Variants in RBFOX1 observed in about 807,000 individuals in gnomAD.
RBFOX1 encodes RNA binding fox-1 homolog 1.
Under a neutral mutation model 57.7 loss-of-function variants are expected in RBFOX1, and 8 were observed. That is an observed-to-expected ratio of 0.14 (90% CI 0.08 to 0.25). RBFOX1 has a LOEUF of 0.25. Among genes scored for constraint, RBFOX1 ranks in the 10% least tolerant of loss-of-function variants. The pLI is 1.00. For missense variants in RBFOX1, 611 were observed against 548.5 expected (o/e 1.11, Z -1.14); for synonymous variants, 326 against 222.4 (o/e 1.47, Z -4.15).
At chr16:5,334,025 G>T (rs1002819898) in intron 1 of RBFOX1, among the ~76,000 whole-genome samples, 18 of 152,160 alleles carry the variant, frequency 1.2e-4, no homozygotes, top group African/African-American at 4.3e-4. Context: ...TTATTTTGGT[G>T]AATAAACCTG....
At chr16:7,012,121 G>A (rs2093681440) in intron 3 of RBFOX1, among the ~76,000 whole-genome samples, 1 of 152,120 alleles carries the variant, frequency 6.6e-6, no homozygotes, top group Non-Finnish European at 1.5e-5. Flanking sequence ...AATCCATCCA[G>A]CAAAGATCTA....
chr16:7,326,003 CA>C (rs2096606663), intron 4 of RBFOX1, among the ~76,000 whole-genome samples: 1 of 152,152 alleles, frequency 6.6e-6, no homozygotes, highest in Non-Finnish European at 1.5e-5. Flanking sequence ...GATGACTCAG[CA>C]GGTATTACAG....
intron 14 of RBFOX1, among the ~76,000 whole-genome samples, chr16:7,697,598 T>C (rs962285482): frequency 2.6e-5 from 4 of 152,158 alleles, no homozygotes; most frequent in Non-Finnish European, 5.9e-5. Flanking sequence ...TTCAACGAGG[T>C]GTTATCCCCA....
chr16:7,225,129 C>T (rs564680681), intron 4 of RBFOX1, among the ~76,000 whole-genome samples: 10 of 152,254 alleles, frequency 6.6e-5, no homozygotes, highest in South Asian at 2.1e-4. Context: ...ATCATCATCA[C>T]GGTCATTGTC....
At chr16:6,579,631 G>C (rs368315513) in intron 2 of RBFOX1, among the ~76,000 whole-genome samples, 1 of 152,176 alleles carries the variant, frequency 6.6e-6, no homozygotes, top group Non-Finnish European at 1.5e-5. Flanking sequence ...GATTAGAAGT[G>C]TTCTGAGGCT....
chr16:6,563,902 A>G (rs78966451), intron 2 of RBFOX1, among the ~76,000 whole-genome samples: 1 of 151,570 alleles, frequency 6.6e-6, no homozygotes, highest in Non-Finnish European at 1.5e-5. Context: ...ATATGTGCGT[A>G]TATGTGTGTG....
chr16:6,546,311 C>G (rs900593128), intron 2 of RBFOX1, among the ~76,000 whole-genome samples: 2 of 152,146 alleles, frequency 1.3e-5, no homozygotes, highest in Admixed American at 6.5e-5. Flanking sequence ...CTAATCTGCA[C>G]AAAGACCTTG....
chr16:5,378,152 T>C (rs2066036169), intron 1 of RBFOX1, among the ~76,000 whole-genome samples: 1 of 151,608 alleles, frequency 6.6e-6, no homozygotes, highest in South Asian at 2.1e-4. Flanking sequence ...CTGCAGTTGT[T>C]GAAGGTGTGT....
At chr16:6,894,530 G>C (rs991349085) in intron 3 of RBFOX1, among the ~76,000 whole-genome samples, 1 of 152,144 alleles carries the variant, frequency 6.6e-6, no homozygotes, top group Non-Finnish European at 1.5e-5. Flanking sequence ...ATCCCAACTA[G>C]AGGTACTCCC....
At chr16:7,203,242 C>T (rs1163372964) in intron 4 of RBFOX1, among the ~76,000 whole-genome samples, 2 of 152,148 alleles carry the variant, frequency 1.3e-5, no homozygotes, top group African/African-American at 2.4e-5. Flanking sequence ...ACGCATGCTT[C>T]ACAAATGAGC....
chr16:6,485,106 A>G (rs2095446920), intron 2 of RBFOX1, among the ~76,000 whole-genome samples: 1 of 152,134 alleles, frequency 6.6e-6, no homozygotes. Context: ...AAGTTTGAAG[A>G]GGGTTGTTTG....
chr16:5,993,040 C>T (rs1389918941), intron 4 of RBFOX1, among the ~76,000 whole-genome samples: 2 of 152,190 alleles, frequency 1.3e-5, no homozygotes, highest in African/African-American at 4.8e-5. Flanking sequence ...GGGCTTGAGC[C>T]TGATCTTTCT....
chr16:6,230,255 A>G (rs752208808), intron 1 of RBFOX1, among the ~76,000 whole-genome samples: 4 of 152,176 alleles, frequency 2.6e-5, no homozygotes, highest in East Asian at 1.9e-4. Flanking sequence ...ATAATCACCA[A>G]TCTCGATTGG....
At chr16:7,055,125 TAAA>T (rs1253413059) in intron 4 of RBFOX1, among the ~76,000 whole-genome samples, 1 of 152,152 alleles carries the variant, frequency 6.6e-6, no homozygotes, top group East Asian at 1.9e-4. Context: ...AATACCATGT[TAAA>T]AAAAGCTAAA....
At chr16:5,569,203 C>T (rs976935518) in intron 2 of RBFOX1, among the ~76,000 whole-genome samples, 12 of 152,126 alleles carry the variant, frequency 7.9e-5, no homozygotes, top group Middle Eastern at 3.4e-3. Flanking sequence ...CTCCTAAAGT[C>T]AGGGCATTGG....
intron 4 of RBFOX1, among the ~76,000 whole-genome samples, chr16:7,370,838 G>A (rs1174662255): frequency 2.4e-4 from 36 of 152,270 alleles, no homozygotes; most frequent in Non-Finnish European, 7.3e-5. Flanking sequence ...TCTTTGGTAG[G>A]CATGATTAAT....
At chr16:5,438,745 C>A (rs2067993355) in intron 1 of RBFOX1, among the ~76,000 whole-genome samples, 1 of 152,122 alleles carries the variant, frequency 6.6e-6, no homozygotes, top group Non-Finnish European at 1.5e-5. Context: ...TCTACCCTGG[C>A]CTGTGAGTAT....
intron 4 of RBFOX1, among the ~76,000 whole-genome samples, chr16:7,410,151 C>A (rs930219969): frequency 2.6e-5 from 4 of 151,848 alleles, no homozygotes; most frequent in African/African-American, 7.3e-5. Context: ...ATGTCACTTT[C>A]CTACAGCGCA....
intron 4 of RBFOX1, among the ~76,000 whole-genome samples, chr16:7,227,064 G>A (rs547300407): frequency 7.9e-5 from 12 of 152,182 alleles, no homozygotes; most frequent in East Asian, 7.7e-4. Flanking sequence ...ATTTCCCCCA[G>A]CATTCTTACC....
Sources: gnomAD v4.1 joint callset for allele counts (sites outside exome capture counted in the v4.1 genomes callset) on GRCh38, gnomAD v4.1.1 for gene constraint, MANE v1.5 for transcripts, NCBI Gene and HGNC (gene_info 2026-07-23, HGNC 2026-07-21) for gene names.